The following BCAR3 variants were observed in gnomAD, a reference collection of about 807,000 sequenced individuals.
BCAR3 encodes breast cancer anti-estrogen resistance protein 3.
BCAR3 carries 37 observed loss-of-function variants against 80.1 expected under a neutral mutation model. That is an observed-to-expected ratio of 0.46 (90% CI 0.36 to 0.61). The LOEUF is 0.61. Ranked by LOEUF, BCAR3 falls within the 20% of genes least tolerant of loss-of-function variation. The probability of loss-of-function intolerance (pLI) is 0.00; values close to 1 mark genes in which losing one functional copy is unlikely to be tolerated. For missense variants in BCAR3, 978 were observed against 1,068.2 expected (o/e 0.92, Z 1.18); for synonymous variants, 389 against 418.9 (o/e 0.93, Z 0.87).
chr1:93,601,290 T>A (rs1010327192), intron 3 of BCAR3, among the ~76,000 whole-genome samples: 2 of 152,202 alleles, frequency 1.3e-5, no homozygotes, highest in African/African-American at 2.4e-5. Context: ...TTTAGAGATA[T>A]CTGGCCCTCG....
chr1:93,773,191 GA>G (rs1287379815), intron 2 of BCAR3, among the ~76,000 whole-genome samples: 1 of 152,180 alleles, frequency 6.6e-6, no homozygotes, highest in Non-Finnish European at 1.5e-5. Context: ...TTGACTAAAA[GA>G]TGCCTGCGTT....
chr1:93,629,919 C>A (rs798213), intron 3 of BCAR3, among the ~76,000 whole-genome samples: 1 of 152,030 alleles, frequency 6.6e-6, no homozygotes, highest in African/African-American at 2.4e-5. Flanking sequence ...AGGTTAGGTG[C>A]GGGAACCTCT....
At chr1:93,717,044 T>C (rs1472774147) in intron 2 of BCAR3, among the ~76,000 whole-genome samples, 1 of 152,206 alleles carries the variant, frequency 6.6e-6, no homozygotes, top group Non-Finnish European at 1.5e-5. Flanking sequence ...AACGCAGAGG[T>C]TACAAGGTTG....
chr1:93,815,945 G>A (rs1415399665), intron 2 of BCAR3, among the ~76,000 whole-genome samples: 1 of 152,184 alleles, frequency 6.6e-6, no homozygotes, highest in African/African-American at 2.4e-5. Flanking sequence ...CCTCAGCCAT[G>A]TGTATAGTAC....
At chr1:93,623,965 G>A (rs1333065781) in intron 3 of BCAR3, among the ~76,000 whole-genome samples, 1 of 152,180 alleles carries the variant, frequency 6.6e-6, no homozygotes, top group Admixed American at 6.5e-5. Flanking sequence ...ATGGTGTTTT[G>A]CAGTCTATTC....
chr1:93,619,564 T>C (rs574570784), intron 3 of BCAR3, among the ~76,000 whole-genome samples: 3 of 152,338 alleles, frequency 2.0e-5, no homozygotes, highest in South Asian at 4.1e-4. Context: ...CTTTTCTCTT[T>C]CCCTTTCCAT....
intron 2 of BCAR3, among the ~76,000 whole-genome samples, chr1:93,661,454 T>C (rs1268596689): frequency 6.6e-6 from 1 of 151,704 alleles, no homozygotes; most frequent in African/African-American, 2.4e-5. Context: ...AATGCTGGCA[T>C]TACAGGGGTG....
At chr1:93,802,870 A>G (rs1571138902) in intron 2 of BCAR3, among the ~76,000 whole-genome samples, 1 of 152,254 alleles carries the variant, frequency 6.6e-6, no homozygotes, top group East Asian at 1.9e-4. Context: ...TTTGTTTTTG[A>G]GCCGGCTCCT....
intron 3 of BCAR3, among the ~76,000 whole-genome samples, chr1:93,607,235 C>T (rs1291594843): frequency 6.6e-6 from 1 of 152,066 alleles, no homozygotes; most frequent in Non-Finnish European, 1.5e-5. Context: ...TGCATGCACC[C>T]CCAGATCAAT....
At chr1:93,635,871 C>T (rs1039802816) in intron 3 of BCAR3, among the ~76,000 whole-genome samples, 1 of 152,208 alleles carries the variant, frequency 6.6e-6, no homozygotes, top group Non-Finnish European at 1.5e-5. Context: ...GACTGGCCTG[C>T]TTTCCTGCTG....
At chr1:93,615,918 G>C (rs1465110151) in intron 3 of BCAR3, among the ~76,000 whole-genome samples, 2 of 152,162 alleles carry the variant, frequency 1.3e-5, no homozygotes, top group South Asian at 4.1e-4. Flanking sequence ...GAAAAGGGAG[G>C]GGGGCAGTGA....
chr1:93,817,915 T>G (rs1034591787), intron 2 of BCAR3, among the ~76,000 whole-genome samples: 3 of 151,666 alleles, frequency 2.0e-5, no homozygotes, highest in African/African-American at 7.3e-5. Context: ...TCCTCAGCCC[T>G]CTTGGCTCTG....
chr1:93,575,267 T>C (rs1673408419), intron 8 of BCAR3, among the ~76,000 whole-genome samples: 1 of 152,222 alleles, frequency 6.6e-6, no homozygotes, highest in Non-Finnish European at 1.5e-5. Flanking sequence ...AACTAGGACA[T>C]GGGCTGGACA....
chr1:93,823,321 A>G (rs1201052313), intron 2 of BCAR3, among the ~76,000 whole-genome samples: 4 of 133,476 alleles, frequency 3.0e-5, no homozygotes, highest in African/African-American at 1.0e-4. Context: ...CTAAACCATT[A>G]AAGCAGGAAG....
chr1:93,718,082 C>A (rs531980673), intron 2 of BCAR3, among the ~76,000 whole-genome samples: 4 of 152,150 alleles, frequency 2.6e-5, no homozygotes, highest in Non-Finnish European at 4.4e-5. Flanking sequence ...TCTCTGGAAA[C>A]TTCCTGCGTT....
chr1:93,750,930 A>C (rs78877935), intron 2 of BCAR3, among the ~76,000 whole-genome samples: 4,390 of 152,286 alleles, frequency 0.029, 116 homozygotes, highest in Middle Eastern at 0.095. Context: ...GACCCGCAGA[A>C]TCCATAAGCT....
upstream of BCAR3, among the ~76,000 whole-genome samples, chr1:93,685,353 ATG>A (rs10606446): frequency 0.21 from 30,801 of 150,022 alleles, 3,610 homozygotes; most frequent in African/African-American, 0.33. Context: ...CAGAGTTTCT[ATG>A]TGTGTGTGTG....
intron 2 of BCAR3, among the ~76,000 whole-genome samples, chr1:93,668,646 T>C (rs1648037822): frequency 6.6e-6 from 1 of 152,244 alleles, no homozygotes; most frequent in Admixed American, 6.5e-5. Flanking sequence ...TGTTAAGCCA[T>C]TGTCACTATG....
intron 3 of BCAR3, among the ~76,000 whole-genome samples, chr1:93,607,480 C>T (rs1434677854): frequency 6.6e-6 from 1 of 152,010 alleles, no homozygotes; most frequent in East Asian, 1.9e-4. Context: ...CTTCAGGGGC[C>T]CAGGGAGGAC....
Sources: allele counts gnomAD v4.1 joint callset (sites outside exome capture counted in the v4.1 genomes callset), GRCh38; gene constraint gnomAD v4.1.1; transcripts MANE v1.5; gene names NCBI Gene and HGNC (gene_info 2026-07-23, HGNC 2026-07-21).